SCN2A: variants seen among roughly 807,000 people sequenced by gnomAD.
The protein encoded by SCN2A is sodium voltage-gated channel alpha subunit 2, also known as sodium channel protein type 2 subunit alpha.
A neutral mutation model predicts 188.7 loss-of-function variants in SCN2A; 20 were observed. The observed-to-expected ratio is 0.11, with a 90% confidence interval of 0.07 to 0.15. The LOEUF is 0.15. SCN2A is among the 10% of genes least tolerant of loss of function. The probability of loss-of-function intolerance (pLI) is 1.00; values close to 1 mark genes in which losing one functional copy is unlikely to be tolerated. For synonymous variants in SCN2A, 804 were observed against 833.1 expected, an observed-to-expected ratio of 0.97 and a Z score of 0.60; for missense variants, 1,278 against 2,445.0, an observed-to-expected ratio of 0.52 and a Z score of 10.07.
At chr2:165,340,570 A>G (rs1263177822) in intron 14 of SCN2A, among the ~76,000 whole-genome samples, 3 of 152,214 alleles carry the variant, frequency 2.0e-5, no homozygotes, top group Non-Finnish European at 4.4e-5. Flanking sequence ...GCAGGTGGGT[A>G]TGTATTTCTA....
intron 16 of SCN2A, among the ~76,000 whole-genome samples, chr2:165,346,467 A>G (rs191411195): frequency 1.4e-4 from 21 of 152,328 alleles, no homozygotes; most frequent in Admixed American, 3.3e-4. Context: ...AACATGGATT[A>G]AAGACTTAAA....
At chr2:165,281,209 T>C (rs998868386) in intron 1 of SCN2A, among the ~76,000 whole-genome samples, 1 of 152,076 alleles carries the variant, frequency 6.6e-6, no homozygotes, top group African/African-American at 2.4e-5. Flanking sequence ...AGCAAGACCC[T>C]ATCTCTAAAA....
intron 14 of SCN2A, among the ~76,000 whole-genome samples, chr2:165,341,675 CT>C (rs1559374702): frequency 1.3e-5 from 2 of 152,260 alleles, no homozygotes; most frequent in Admixed American, 1.3e-4. Context: ...CTCTAAGACG[CT>C]GAAGTACTGA....
At chr2:165,281,452 A>G (rs181054674) in intron 1 of SCN2A, among the ~76,000 whole-genome samples, 2 of 152,090 alleles carry the variant, frequency 1.3e-5, no homozygotes, top group East Asian at 3.9e-4. Context: ...TCAAGCAGAG[A>G]TGAAAGCAAG....
chr2:165,350,738 G>A (rs1210327206), intron 16 of SCN2A, among the ~76,000 whole-genome samples: 1 of 149,814 alleles, frequency 6.7e-6, no homozygotes, highest in East Asian at 2.0e-4. Flanking sequence ...CAAAGTGCTG[G>A]GATTACAGGC....
chr2:165,322,513 TGAGACA>T (rs1698127821), intron 11 of SCN2A, among the ~76,000 whole-genome samples: 1 of 152,220 alleles, frequency 6.6e-6, no homozygotes, highest in South Asian at 2.1e-4. Context: ...TCAGATTTCT[TGAGACA>T]GAGACAAAGG....
intron 1 of SCN2A, among the ~76,000 whole-genome samples, chr2:165,246,245 A>G (rs1009290336): frequency 6.6e-6 from 1 of 152,176 alleles, no homozygotes; most frequent in South Asian, 2.1e-4. Context: ...AGAACACTGG[A>G]ATTTTCTCCA....
chr2:165,270,817 G>C (rs1252282625), intron 1 of SCN2A: 1 of 152,096 alleles, frequency 6.6e-6, no homozygotes, highest in Non-Finnish European at 1.5e-5. Flanking sequence ...ATCAACTTCA[G>C]ATCTCAATGC....
At chr2:165,319,051 T>C (rs1362720305) in intron 11 of SCN2A, among the ~76,000 whole-genome samples, 5 of 152,112 alleles carry the variant, frequency 3.3e-5, no homozygotes, top group Non-Finnish European at 4.4e-5. Context: ...TTAGAAGTAG[T>C]TCTAGGCCGG....
intron 11 of SCN2A, among the ~76,000 whole-genome samples, chr2:165,319,090 C>G (rs1428780052): frequency 6.6e-6 from 1 of 152,170 alleles, no homozygotes; most frequent in East Asian, 1.9e-4. Flanking sequence ...GTAATCCCAG[C>G]ATTTTGGGAG....
rs142700678 is a variant in SCN2A, at chr2:165,355,960, T to C, written c.3399+1289T>C. On this transcript the variant is annotated intron_variant, in intron 17 of 26. Transcript: ENST00000375437. ...ATTGCAGTGAGCCGAGATCACCCCA[T>C]TGCACTCCAGCCTGGGCAACAGGAT... Among the ~76,000 whole-genome samples, 1,166 of 150,774 alleles carry C rather than the reference T, an allele frequency of 7.7e-3. 21 individuals carry two copies. Among genetic ancestry groups the C allele is most frequent in the African/African-American group, 0.027 (1,113 of 40,996 alleles).
In SCN2A at chr2:165,295,685, C is replaced by T. The variant is rs1157849095; in HGVS notation, c.-51-88C>T. ...TATTATAGCTATCTGAGTTTCTATG[C>T]TGTATCTCAGTGCTCAGTGTCATGT... is the stretch of plus-strand genomic sequence containing the variant. On this transcript the variant is annotated intron_variant, in intron 1 of 26. Coordinates refer to ENST00000375437, the MANE Select transcript of SCN2A (RefSeq NM_001040142.2). The T allele has an allele frequency of 2.5e-6, 3 of 1,222,500 alleles. No individual in the cohort carries two copies. In the African/African-American group the frequency reaches 4.5e-5, roughly 18 times the overall value. The allele number at this position is 1,222,500 out of a possible 1,614,324, so 75.7% of individuals were successfully genotyped here.
At chr2:165,355,466 G>A (rs1700131237) in intron 17 of SCN2A, among the ~76,000 whole-genome samples, 1 of 152,160 alleles carries the variant, frequency 6.6e-6, no homozygotes. Flanking sequence ...TGGAGGTAAA[G>A]AGAGGAATTT....
intron 1 of SCN2A, among the ~76,000 whole-genome samples, chr2:165,266,133 T>C (rs901293763): frequency 6.6e-6 from 1 of 152,094 alleles, no homozygotes; most frequent in African/African-American, 2.4e-5. Context: ...TACGGAAATA[T>C]TAACATAATT....
intron 16 of SCN2A, among the ~76,000 whole-genome samples, chr2:165,350,681 C>G (rs897583792): frequency 1.2e-5 from 1 of 82,264 alleles, no homozygotes; most frequent in Non-Finnish European, 2.4e-5. Flanking sequence ...ACCGTTTTAG[C>G]CGGGATGGTC....
At position 165,291,478 on chromosome 2, in the gene SCN2A, CTTTCTTTCTTTCTTTT is replaced by C. The variant is rs1336942601; in HGVS notation, c.-51-4294_-51-4279del. On this transcript the variant is annotated intron_variant, in intron 1 of 26. Coordinates refer to ENST00000375437, the MANE Select transcript of SCN2A (RefSeq NM_001040142.2). Reference sequence around the variant, plus strand: ...TCTTTCTTTCTTTCTTTCTTTCTTTCTTTCTTTCTTTCTTTTCTTTCTTTCTTTCTTTCTTCCTCTC... The same window carrying C: ...TCTTTCTTTCTTTCTTTCTTTCTTTCCTTTCTTTCTTTCTTTCTTCCTCTC... 9.2e-4 allele frequency among the ~76,000 whole-genome samples: 44 copies of C among 47,664 alleles called. 1 individual carries two copies. Among genetic ancestry groups the C allele is most frequent in the Admixed American group, 6.1e-3 (24 of 3,958 alleles). The allele number at this position is 47,664 out of a possible 152,430, so 31.3% of individuals were successfully genotyped here.
intron 11 of SCN2A, among the ~76,000 whole-genome samples, chr2:165,322,695 A>G (rs774734373): frequency 6.6e-6 from 1 of 152,222 alleles, no homozygotes; most frequent in African/African-American, 2.4e-5. Context: ...TAAGATTTGC[A>G]TCAGGGTGTG....
chr2:165,342,709 G>A (rs1699379233), intron 15 of SCN2A, among the ~76,000 whole-genome samples: 1 of 152,190 alleles, frequency 6.6e-6, no homozygotes. Context: ...TAATAGAGAG[G>A]AGGAAACAGG....
At chr2:165,324,909 A>G (rs183123494) in intron 12 of SCN2A, among the ~76,000 whole-genome samples, 2 of 152,300 alleles carry the variant, frequency 1.3e-5, no homozygotes, top group African/African-American at 2.4e-5. Flanking sequence ...ATTTTAACCA[A>G]TGTTTCTCAA....
Sources: allele counts gnomAD v4.1 joint callset (sites outside exome capture counted in the v4.1 genomes callset), GRCh38; gene constraint gnomAD v4.1.1; transcripts MANE v1.5; gene names NCBI Gene and HGNC (gene_info 2026-07-23, HGNC 2026-07-21).